CADM2: variants seen among roughly 807,000 people sequenced by gnomAD.
The protein encoded by CADM2 is immunoglobulin superfamily member 4D.
In CADM2, 12 loss-of-function variants were observed where a neutral mutation model predicts 49.8. The observed-to-expected ratio is 0.24, with a 90% CI of 0.15 to 0.39. The LOEUF (loss-of-function observed/expected upper bound fraction) is 0.39. Ranked by LOEUF, CADM2 falls within the 10% of genes least tolerant of loss-of-function variation. CADM2 has a pLI of 1.00. For synonymous variants in CADM2, 214 were observed against 175.4 expected, an observed-to-expected ratio of 1.22 and a Z score of -1.74; for missense variants, 378 against 492.3, an observed-to-expected ratio of 0.77 and a Z score of 2.20.
intron 1 of CADM2, among the ~76,000 whole-genome samples, chr3:84,980,984 T>A (rs952489412): frequency 3.3e-5 from 5 of 152,060 alleles, no homozygotes; most frequent in East Asian, 1.9e-4. Flanking sequence ...GGAATTTTTT[T>A]TTATTATTAT....
chr3:85,952,611 T>G (rs1247616743), intron 7 of CADM2, among the ~76,000 whole-genome samples: 2 of 150,960 alleles, frequency 1.3e-5, no homozygotes, highest in Non-Finnish European at 3.0e-5. Flanking sequence ...GTCTTTAAAT[T>G]GTTGTTTTTC....
intron 1 of CADM2, among the ~76,000 whole-genome samples, chr3:85,601,158 A>G (rs879322314): frequency 0.22 from 26,045 of 119,008 alleles, 3,533 homozygotes; most frequent in East Asian, 0.32. Flanking sequence ...ATATATATAT[A>G]TATATATATA....
At chr3:85,224,905 G>A (rs2042122783) in intron 1 of CADM2, among the ~76,000 whole-genome samples, 1 of 152,008 alleles carries the variant, frequency 6.6e-6, no homozygotes, top group Non-Finnish European at 1.5e-5. Flanking sequence ...AAGATCAGGT[G>A]GTTGTAGATG....
chr3:85,506,206 A>G (rs1170633267), intron 1 of CADM2, among the ~76,000 whole-genome samples: 1 of 152,184 alleles, frequency 6.6e-6, no homozygotes, highest in African/African-American at 2.4e-5. Flanking sequence ...TACAAAGTAA[A>G]CAAGTAGATT....
At chr3:85,809,604 C>T (rs935912996) in intron 3 of CADM2, among the ~76,000 whole-genome samples, 4 of 151,982 alleles carry the variant, frequency 2.6e-5, no homozygotes, top group South Asian at 2.1e-4. Context: ...AGTTTTCTTA[C>T]GACAAGTCTA....
intron 1 of CADM2, among the ~76,000 whole-genome samples, chr3:85,488,738 GC>G (rs2039538349): frequency 6.6e-6 from 1 of 151,876 alleles, no homozygotes; most frequent in Non-Finnish European, 1.5e-5. Context: ...CACCATGTTG[GC>G]CAAGATAGTC....
At chr3:85,423,057 G>A (rs943038934) in intron 1 of CADM2, among the ~76,000 whole-genome samples, 1 of 152,090 alleles carries the variant, frequency 6.6e-6, no homozygotes, top group Non-Finnish European at 1.5e-5. Context: ...GATGGAGGTG[G>A]CTTTCAGCAG....
intron 3 of CADM2, among the ~76,000 whole-genome samples, chr3:85,825,879 T>C (rs1559684796): frequency 2.6e-5 from 4 of 152,070 alleles, no homozygotes; most frequent in South Asian, 2.1e-4. Context: ...TGTTTTCAAA[T>C]ACTAGGTCAG....
At chr3:85,292,093 G>C (rs1252281053) in intron 1 of CADM2, among the ~76,000 whole-genome samples, 2 of 149,152 alleles carry the variant, frequency 1.3e-5, no homozygotes. Flanking sequence ...GATGGAGGAA[G>C]ATCTACCAAG....
intron 1 of CADM2, among the ~76,000 whole-genome samples, chr3:85,489,862 T>A (rs1458371764): frequency 1.3e-5 from 2 of 150,768 alleles, no homozygotes; most frequent in Non-Finnish European, 3.0e-5. Flanking sequence ...ATACTCGAAA[T>A]TCAGGGGAAA....
chr3:85,937,743 T>C (rs1721352185), intron 7 of CADM2, among the ~76,000 whole-genome samples: 2 of 151,968 alleles, frequency 1.3e-5, no homozygotes, highest in Admixed American at 1.3e-4. Context: ...CTTCTATATT[T>C]ATATTATTTC....
In CADM2 at chr3:85,601,210, A is replaced by G. The variant is rs2063396162; in HGVS notation, c.62-125312A>G. Among the ~76,000 whole-genome samples, 2 of 138,132 alleles carry G rather than the reference A, an allele frequency of 1.4e-5. 1 individual carries two copies. The highest frequency in any genetic ancestry group is 3.1e-5 in the Non-Finnish European group (2 of 63,774). The allele number at this position is 138,132 out of a possible 152,430, so 90.6% of individuals were successfully genotyped here. On this transcript the variant is annotated intron_variant, in intron 1 of 9. Coordinates refer to ENST00000383699, the MANE Select transcript of CADM2 (RefSeq NM_001167675.2). The stretch of plus-strand genomic sequence containing the variant: ...CACACATACATGTCATTTGCTCCCA[A>G]GTGGAATACATGAGGAATGAGATTG...
In CADM2 at chr3:85,399,381, C is replaced by T. The variant is rs978848476; in HGVS notation, c.62-327141C>T. ...TTTCGTACCAGTACCATGCTGTAGCCTTTTAGTATAGTTTGAAGTCAGGTA... is the reference window on the plus strand; with the variant it reads ...TTTCGTACCAGTACCATGCTGTAGCTTTTTAGTATAGTTTGAAGTCAGGTA... On this transcript the variant is annotated intron_variant, in intron 1 of 9. Transcript: ENST00000383699. Among the ~76,000 whole-genome samples, 5 of 151,762 alleles carry T rather than the reference C, an allele frequency of 3.3e-5. No individual in the cohort carries two copies. The East Asian group carries it at 9.7e-4, about 29-fold the overall frequency.
intron 1 of CADM2, among the ~76,000 whole-genome samples, chr3:85,406,591 T>C (rs1252120116): frequency 6.6e-6 from 1 of 152,152 alleles, no homozygotes; most frequent in Non-Finnish European, 1.5e-5. Flanking sequence ...TTGAGTTCTC[T>C]CTATGTCTAA....
In CADM2 at chr3:85,000,114, T is replaced by TTCTCTCTCTC. The variant is rs59094520; in HGVS notation, c.61+40471_61+40480dup. On this transcript the variant is annotated intron_variant, in intron 1 of 9. Transcript: ENST00000383699. ...ATATAACATATAGGTTGCTTCTACT[T>TTCTCTCTCTC]TCTCTCTCTCTCTCTCTCTCTCTCT... Among the ~76,000 whole-genome samples the TTCTCTCTCTC allele has an allele frequency of 5.4e-3, 738 of 136,892 alleles. 16 individuals carry two copies. The highest frequency in any genetic ancestry group is 0.014 in the African/African-American group (523 of 36,162). The allele number at this position is 136,892 out of a possible 152,430, so 89.8% of individuals were successfully genotyped here.
intron 1 of CADM2, among the ~76,000 whole-genome samples, chr3:85,290,929 C>T (rs1201512287): frequency 1.3e-5 from 2 of 152,200 alleles, no homozygotes; most frequent in Admixed American, 1.3e-4. Flanking sequence ...CGGAACAAAG[C>T]TGGATGGAGA....
At chr3:85,394,366 G>T (rs1223719248) in intron 1 of CADM2, among the ~76,000 whole-genome samples, 2 of 151,766 alleles carry the variant, frequency 1.3e-5, no homozygotes, top group African/African-American at 4.8e-5. Flanking sequence ...TCCATAATAA[G>T]GTATGATATG....
At chr3:85,977,637 A>G (rs1325129196) in intron 8 of CADM2, among the ~76,000 whole-genome samples, 1 of 151,662 alleles carries the variant, frequency 6.6e-6, no homozygotes, top group East Asian at 1.9e-4. Context: ...AACAATTAGT[A>G]AACAAGAAGT....
chr3:85,329,560 T>C (rs572718070), intron 1 of CADM2, among the ~76,000 whole-genome samples: 1 of 152,184 alleles, frequency 6.6e-6, no homozygotes, highest in Admixed American at 6.6e-5. Context: ...CACTCCAGCC[T>C]GGGCGACAGA....
Sources: gnomAD v4.1 joint callset for allele counts (sites outside exome capture counted in the v4.1 genomes callset) on GRCh38, gnomAD v4.1.1 for gene constraint, MANE v1.5 for transcripts, NCBI Gene and HGNC (gene_info 2026-07-23, HGNC 2026-07-21) for gene names.